The following TNFSF4 variants were observed in gnomAD, a reference collection of about 807,000 sequenced individuals.
TNFSF4 encodes the protein TNF superfamily member 4, also known as tumor necrosis factor ligand superfamily member 4.
Under a neutral mutation model 7.3 loss-of-function variants are expected in TNFSF4, and 4 were observed. The observed-to-expected ratio is 0.55, with a 90% CI of 0.27 to 1.25. The LOEUF is 1.25. Ranked by LOEUF, TNFSF4 falls within the 50% of genes most tolerant of loss-of-function variation. The pLI is 0.12. For missense variants in TNFSF4, 181 were observed against 208.8 expected, an observed-to-expected ratio of 0.87 and a Z score of 0.82; for synonymous variants, 76 against 83.7, an observed-to-expected ratio of 0.91 and a Z score of 0.50.
At chr1:173,337,336 G>C in the TNFSF4 span, among the ~76,000 whole-genome samples, 3 of 152,096 alleles carry the variant, frequency 2.0e-5, 1 homozygote, top group Non-Finnish European at 1.5e-5. Flanking sequence ...GCTGTTATCT[G>C]ACCCACCAAG....
the TNFSF4 span, chr1:173,440,600 G>A: frequency 1.3e-5 from 2 of 152,148 alleles, no homozygotes; most frequent in African/African-American, 2.4e-5. Flanking sequence ...TTTCATTCTG[G>A]TGGATAACTC....
In TNFSF4 at chr1:173,186,807, C is replaced by T. The variant is rs769399217; in HGVS notation, c.261G>A (p.Lys87=). The T allele has an allele frequency of 8.1e-6, 13 of 1,612,840 alleles. No individual in the cohort carries two copies. Among genetic ancestry groups the T allele is most frequent in the Non-Finnish European group, 1.1e-5 (13 of 1,179,390 alleles). Residue 87 remains lysine, a synonymous_variant, in exon 3 of 3, where the codon AAG becomes AAA. Transcript: ENST00000281834. The part of the protein sequence containing the change: ...LTSQKEDEIM[K]VQNNSVIINC... The stretch of plus-strand genomic sequence containing the variant: ...TGATGATGACTGAGTTGTTCTGCAC[C>T]TTCATGATTTCATCCTCCTTTTGGG...
chr1:173,271,938 G>A, the TNFSF4 span, among the ~76,000 whole-genome samples: 1 of 152,216 alleles, frequency 6.6e-6, no homozygotes, highest in Admixed American at 6.5e-5. Context: ...GCAAAGACTT[G>A]GAACCTACCC....
chr1:173,193,137 A>G (rs1378146308), intron 1 of TNFSF4, among the ~76,000 whole-genome samples: 5 of 152,200 alleles, frequency 3.3e-5, no homozygotes, highest in Admixed American at 3.3e-4. Flanking sequence ...TTCATGAGAA[A>G]GGTTGACAGA....
chr1:173,248,623 C>T, the TNFSF4 span, among the ~76,000 whole-genome samples: 479 of 151,906 alleles, frequency 3.2e-3, 8 homozygotes, highest in East Asian at 0.046. Flanking sequence ...TTTCAAGATG[C>T]CAAAGAAAAT....
the TNFSF4 span, among the ~76,000 whole-genome samples, chr1:173,303,753 G>A: frequency 0.023 from 3,539 of 151,822 alleles, 52 homozygotes; most frequent in Non-Finnish European, 0.038. Flanking sequence ...ATTTGTGTAT[G>A]CATACATAAC....
chr1:173,217,675 TATTTTGGATCTA>T, the TNFSF4 span, among the ~76,000 whole-genome samples: 20 of 152,312 alleles, frequency 1.3e-4, no homozygotes, highest in Admixed American at 1.1e-3. Flanking sequence ...TAAATGATAA[TATTTTGGATCTA>T]TTATGGTAAA....
At chr1:173,262,761 C>T in the TNFSF4 span, among the ~76,000 whole-genome samples, 1 of 151,976 alleles carries the variant, frequency 6.6e-6, no homozygotes, top group African/African-American at 2.4e-5. Flanking sequence ...TGCCACCGCG[C>T]CTGGCTAATT....
At chr1:173,421,724 T>C in the TNFSF4 span, among the ~76,000 whole-genome samples, 1 of 152,160 alleles carries the variant, frequency 6.6e-6, no homozygotes, top group Non-Finnish European at 1.5e-5. Context: ...CTGATATTCA[T>C]ATTTTTGTAA....
the TNFSF4 span, among the ~76,000 whole-genome samples, chr1:173,278,293 TAATG>T: frequency 4.5e-4 from 68 of 152,256 alleles, no homozygotes; most frequent in African/African-American, 1.6e-3. Context: ...AATTATTTTT[TAATG>T]AATGAATGAA....
At chr1:173,429,556 G>T in the TNFSF4 span, among the ~76,000 whole-genome samples, 1 of 152,182 alleles carries the variant, frequency 6.6e-6, no homozygotes, top group Non-Finnish European at 1.5e-5. Context: ...AAGAGAAACT[G>T]GTCCTCAAGA....
At chr1:173,420,407 A>G in the TNFSF4 span, among the ~76,000 whole-genome samples, 1 of 152,210 alleles carries the variant, frequency 6.6e-6, no homozygotes, top group Non-Finnish European at 1.5e-5. Context: ...GAAAGGACAC[A>G]GTACTTGACG....
downstream of TNFSF4, among the ~76,000 whole-genome samples, chr1:173,179,493 G>C (rs1014851221): frequency 6.6e-6 from 1 of 152,080 alleles, no homozygotes; most frequent in Admixed American, 6.5e-5. Context: ...ACCCCTTGTC[G>C]ACTTGACATC....
At chr1:173,251,325 A>G in the TNFSF4 span, among the ~76,000 whole-genome samples, 5 of 152,260 alleles carry the variant, frequency 3.3e-5, no homozygotes, top group African/African-American at 1.2e-4. Flanking sequence ...TAATTGCCCA[A>G]GAAAGAAATC....
the TNFSF4 span, among the ~76,000 whole-genome samples, chr1:173,329,948 A>G: frequency 1.3e-5 from 2 of 152,332 alleles, no homozygotes; most frequent in African/African-American, 4.8e-5. Context: ...TTCCCAAAAT[A>G]AGCATAATCA....
chr1:173,283,557 A>T, the TNFSF4 span, among the ~76,000 whole-genome samples: 2 of 152,174 alleles, frequency 1.3e-5, no homozygotes, highest in African/African-American at 4.8e-5. Flanking sequence ...ATCTATGGTC[A>T]GCCAAGAATT....
the TNFSF4 span, among the ~76,000 whole-genome samples, chr1:173,364,319 T>C: frequency 6.7e-6 from 1 of 149,346 alleles, no homozygotes; most frequent in Admixed American, 6.7e-5. Flanking sequence ...CATCATCTTG[T>C]TTTTAAGTTT....
chr1:173,251,145 T>C, the TNFSF4 span, among the ~76,000 whole-genome samples: 1 of 152,114 alleles, frequency 6.6e-6, no homozygotes, highest in Non-Finnish European at 1.5e-5. Context: ...ACAAATACAG[T>C]CCATAGATAC....
At chr1:173,206,998 A>T in intron 1 of TNFSF4, 26 bp downstream of exon 1, 1 of 1,574,834 alleles carries the variant, frequency 6.3e-7, no homozygotes, top group South Asian at 1.2e-5. Flanking sequence ...GCTGGTGGGA[A>T]AACAGCGCCC....
Sources: allele counts gnomAD v4.1 joint callset (sites outside exome capture counted in the v4.1 genomes callset), GRCh38; gene constraint gnomAD v4.1.1; transcripts MANE v1.5; gene names NCBI Gene and HGNC (gene_info 2026-07-23, HGNC 2026-07-21).